The following OXR1 variants were observed in gnomAD, a reference collection of about 807,000 sequenced individuals.
OXR1 encodes oxidation resistance 1.
In OXR1, 41 loss-of-function variants were observed where a neutral mutation model predicts 104.6. The observed-to-expected ratio is 0.39, with a 90% CI of 0.31 to 0.51. The LOEUF is 0.51. Among genes scored for constraint, OXR1 ranks in the 20% least tolerant of loss-of-function variants. The pLI is 0.77. For missense variants in OXR1, 955 were observed against 1,031.9 expected (o/e 0.93, Z 1.02); for synonymous variants, 348 against 348.4 (o/e 1.00, Z 0.01).
chr8:106,389,440 A>T (rs942789308), intron 2 of OXR1, among the ~76,000 whole-genome samples: 1 of 152,210 alleles, frequency 6.6e-6, no homozygotes, highest in East Asian at 1.9e-4. Context: ...ATAAACATGA[A>T]TACTATATCC....
In OXR1 at chr8:106,706,997, T is replaced by C; in HGVS notation, c.1476T>C (p.Asn492=). The change falls in exon 9 of 17, where the codon AAT becomes AAC. Residue 492 remains asparagine (N), a synonymous_variant. Transcript: ENST00000517566. ...AAGGAAAACAAGGAAAGGAGCAAAA[T>C]CAGGACTCACAGACAGAGGCAGAAG... ...VNKGKQGKEQ[N]QDSQTEAEEL... 2 of 1,613,544 alleles carry C rather than the reference T, an allele frequency of 1.2e-6. No homozygotes were observed. Among genetic ancestry groups the C allele is most frequent in the Non-Finnish European group, 1.7e-6 (2 of 1,179,874 alleles).
intron 1 of OXR1, among the ~76,000 whole-genome samples, chr8:106,290,584 C>A (rs1812704183): frequency 6.6e-6 from 1 of 152,040 alleles, no homozygotes; most frequent in Non-Finnish European, 1.5e-5. Context: ...CTATAAGGAA[C>A]TTAAATCAAT....
intron 11 of OXR1, among the ~76,000 whole-genome samples, chr8:106,724,845 T>C (rs1833173566): frequency 1.3e-5 from 2 of 152,286 alleles, no homozygotes; most frequent in African/African-American, 2.4e-5. Context: ...GACTATGCCA[T>C]GCTTGGTGGT....
At chr8:106,573,516 G>C (rs1470214820) in intron 3 of OXR1, among the ~76,000 whole-genome samples, 1 of 152,128 alleles carries the variant, frequency 6.6e-6, no homozygotes, top group Admixed American at 6.6e-5. Context: ...GTCAAATACT[G>C]ACTTTTTGTA....
chr8:106,274,036 C>T (rs1811925301), intron 1 of OXR1, among the ~76,000 whole-genome samples: 1 of 152,098 alleles, frequency 6.6e-6, no homozygotes. Context: ...AGGGATTGAA[C>T]AATCAGAGAA....
chr8:106,524,360 G>C (rs953918899), intron 3 of OXR1, among the ~76,000 whole-genome samples: 4 of 152,184 alleles, frequency 2.6e-5, no homozygotes, highest in African/African-American at 9.7e-5. Context: ...TGCTCCCTAA[G>C]GTATACCTGT....
intron 3 of OXR1, among the ~76,000 whole-genome samples, chr8:106,560,738 A>G (rs1251526799): frequency 6.6e-6 from 1 of 152,166 alleles, no homozygotes; most frequent in African/African-American, 2.4e-5. Context: ...GAATAGGAAC[A>G]CGTCTGGTCT....
At chr8:106,280,528 C>T (rs76858543) in intron 1 of OXR1, among the ~76,000 whole-genome samples, 17 of 152,182 alleles carry the variant, frequency 1.1e-4, no homozygotes, top group Non-Finnish European at 2.5e-4. Flanking sequence ...GTCTCTGACT[C>T]AAATTCATAG....
intron 3 of OXR1, among the ~76,000 whole-genome samples, chr8:106,595,630 G>C (rs1819474101): frequency 6.6e-6 from 1 of 151,374 alleles, no homozygotes; most frequent in South Asian, 2.1e-4. Context: ...AAAATAGGAA[G>C]AAAGGCAGCA....
intron 2 of OXR1, among the ~76,000 whole-genome samples, chr8:106,458,324 C>T (rs527368543): frequency 2.6e-5 from 4 of 152,252 alleles, no homozygotes; most frequent in African/African-American, 9.6e-5. Context: ...CCAACTGTGG[C>T]TCAGTTGGGC....
At chr8:106,437,913 C>G (rs1453218) in intron 2 of OXR1, among the ~76,000 whole-genome samples, 33,776 of 151,996 alleles carry the variant, frequency 0.22, 5,144 homozygotes, top group East Asian at 0.42. Flanking sequence ...ATGTGTATGA[C>G]ACTGTGCTAG....
At chr8:106,706,284 A>G in intron 8 of OXR1, 98 bp from the exon 9 acceptor site, 1 of 765,338 alleles carries the variant, frequency 1.3e-6, no homozygotes, top group East Asian at 3.1e-5. Flanking sequence ...CTTTTGTTAA[A>G]AAGTCTTTTT....
chr8:106,475,536 A>G (rs1821755537), intron 2 of OXR1, among the ~76,000 whole-genome samples: 2 of 151,858 alleles, frequency 1.3e-5, no homozygotes, highest in Non-Finnish European at 2.9e-5. Flanking sequence ...CTGGAAATAT[A>G]TCATAGTTTC....
chr8:106,317,586 C>T (rs151158318), intron 1 of OXR1, among the ~76,000 whole-genome samples: 6 of 152,116 alleles, frequency 3.9e-5, no homozygotes, highest in East Asian at 1.9e-4. Flanking sequence ...GCTTCATCTC[C>T]GAGGTGACTT....
intron 1 of OXR1, among the ~76,000 whole-genome samples, chr8:106,345,076 G>A (rs554195133): frequency 6.6e-6 from 1 of 152,308 alleles, no homozygotes; most frequent in Non-Finnish European, 1.5e-5. Context: ...CTGTATTTAT[G>A]TTTGTCTGCT....
chr8:106,691,833 A>G (rs1829316510), intron 6 of OXR1, among the ~76,000 whole-genome samples: 1 of 150,892 alleles, frequency 6.6e-6, no homozygotes, highest in Non-Finnish European at 1.5e-5. Flanking sequence ...GAAGCGATAC[A>G]ATATTACAGT....
intron 3 of OXR1, among the ~76,000 whole-genome samples, chr8:106,545,827 C>T (rs1815312537): frequency 6.6e-6 from 1 of 151,980 alleles, no homozygotes; most frequent in South Asian, 2.1e-4. Context: ...CAAAACCTGT[C>T]TCTATTAAAA....
chr8:106,525,038 G>C (rs1427885277), intron 3 of OXR1, among the ~76,000 whole-genome samples: 4 of 152,188 alleles, frequency 2.6e-5, no homozygotes, highest in Non-Finnish European at 4.4e-5. Flanking sequence ...AGGGAATGGT[G>C]CCTGCAATCT....
intron 1 of OXR1, among the ~76,000 whole-genome samples, chr8:106,276,891 G>T (rs1054511688): frequency 3.3e-5 from 5 of 151,902 alleles, no homozygotes; most frequent in African/African-American, 9.7e-5. Flanking sequence ...TTTAGGTAAA[G>T]ATTTCTAAAA....
Sources: allele counts gnomAD v4.1 joint callset (sites outside exome capture counted in the v4.1 genomes callset), GRCh38; gene constraint gnomAD v4.1.1; transcripts MANE v1.5; gene names NCBI Gene and HGNC (gene_info 2026-07-23, HGNC 2026-07-21).